The following PCDHGB4 variants were observed in gnomAD, a reference collection of about 807,000 sequenced individuals.
PCDHGB4 encodes the protein protocadherin gamma subfamily B, 4, also known as protocadherin gamma-B4.
A neutral mutation model predicts 60.5 loss-of-function variants in PCDHGB4; 38 were observed. That is an observed-to-expected ratio of 0.63 (90% CI 0.48 to 0.82). The LOEUF (loss-of-function observed/expected upper bound fraction) is 0.82, where lower values mean the gene tolerates loss of function less well. PCDHGB4 is among the 40% of genes least tolerant of loss of function. PCDHGB4 has a pLI of 0.00. For synonymous variants in PCDHGB4, 456 were observed against 509.7 expected (o/e 0.89, Z 1.42); for missense variants, 1,109 against 1,209.6 (o/e 0.92, Z 1.23).
At chr5:141,415,476 G>C in intron 1 of PCDHGB4, 1 of 1,614,194 alleles carries the variant, frequency 6.2e-7, no homozygotes, top group Non-Finnish European at 8.5e-7. Context: ...CCGCGGACTC[G>C]CGAAAGAGTC....
At position 141,476,151 on chromosome 5, in the gene PCDHGB4, G is replaced by A; in HGVS notation, c.2398-18656G>A. Reference sequence around the variant, plus strand: ...GAGGCCTGGAGGAGCGGACTGGTAAGCACCGGGAGGGTAGTGGGAGTTTTG... The same window carrying A: ...GAGGCCTGGAGGAGCGGACTGGTAAACACCGGGAGGGTAGTGGGAGTTTTG... On this transcript the variant is annotated intron_variant, in intron 1 of 3. Transcript: ENST00000519479. This position sits in a 1 kb window ranked among gnomAD's most constrained non-coding sequence, Gnocchi z 7.6. 1 of 1,612,022 alleles carries A rather than the reference G, an allele frequency of 6.2e-7. No individual in the cohort carries two copies. Among genetic ancestry groups the A allele is most frequent in the Admixed American group, 1.7e-5 (1 of 60,014 alleles).
chr5:141,478,445 G>C (rs773567457), intron 1 of PCDHGB4: 1 of 1,613,570 alleles, frequency 6.2e-7, no homozygotes, highest in Non-Finnish European at 8.5e-7. Flanking sequence ...GAAGAAACCT[G>C]GTGCAGCCAG....
intron 1 of PCDHGB4, chr5:141,393,700 A>T: frequency 6.2e-7 from 1 of 1,613,934 alleles, no homozygotes; most frequent in Non-Finnish European, 8.5e-7. Context: ...CAGCTTAATG[A>T]AAATACTGGG....
intron 1 of PCDHGB4, among the ~76,000 whole-genome samples, chr5:141,448,768 G>T (rs544426582): frequency 2.6e-5 from 4 of 151,750 alleles, no homozygotes; most frequent in Non-Finnish European, 4.4e-5. Context: ...GTGAAACCCC[G>T]TCTGTACTAA....
At chr5:141,415,747 T>G (rs774746065) in intron 1 of PCDHGB4, 22 of 797,580 alleles carry the variant, frequency 2.8e-5, no homozygotes, top group Middle Eastern at 5.1e-4. Context: ...AAGGTTTTTT[T>G]TTTTTTTTTT....
Position 141,431,336 on chromosome 5 carries a change from G to C in PCDHGB4, c.2397+41055G>C, listed in dbSNP as rs1187672228. ...TGGAGCCGACGGTAGTAAGTACCCC[G>C]AATTGGTGCTGAAACGCGCCCTGGA... On this transcript the variant is annotated intron_variant, in intron 1 of 3. Transcript: ENST00000519479. The surrounding 1 kb of genome is among the most constrained non-coding windows in gnomAD (Gnocchi z 4.8). 2.5e-6 allele frequency: 4 copies of C among 1,613,956 alleles called. No individual in the cohort carries two copies. The East Asian group carries it at 6.7e-5, about 27-fold the overall frequency.
rs2099883782 is a variant in PCDHGB4 at position 141,511,420 on chromosome 5, G to C, written c.*247G>C. The C allele has an allele frequency of 1.2e-6, 1 of 830,744 alleles. No homozygotes were observed. The allele number at this position is 830,744 out of a possible 1,614,324, so 51.5% of individuals were successfully genotyped here. On this transcript the variant is annotated 3_prime_UTR_variant, in exon 4 of 4. Transcript: ENST00000519479. ...TCCAATCAACTGCTGTACCCATGGG[G>C]GTAGTGGGGTTACTGTAGACACCAA...
rs184835272 is a variant in PCDHGB4, at chr5:141,470,234, C to A, written c.2398-24573C>A. ...AACCATTCAGCTTCTTCACCAAACC[C>A]TTGAATGTCCCACCTGTCTAAATGG... On this transcript the variant is annotated intron_variant, in intron 1 of 3. Transcript: ENST00000519479. Among the ~76,000 whole-genome samples, 6 of 152,288 alleles carry A rather than the reference C, an allele frequency of 3.9e-5. No individual in the cohort carries two copies. The East Asian group carries it at 9.6e-4, about 24-fold the overall frequency.
At chr5:141,412,591 A>G (rs2095564760) in intron 1 of PCDHGB4, 1 of 152,214 alleles carries the variant, frequency 6.6e-6, no homozygotes, top group Non-Finnish European at 1.5e-5. Flanking sequence ...ATGAATGTAT[A>G]CTAAATAAAA....
At chr5:141,507,429 G>C (rs1191174823) in intron 3 of PCDHGB4, 3 of 152,238 alleles carry the variant, frequency 2.0e-5, no homozygotes, top group African/African-American at 7.2e-5. Flanking sequence ...AGTGGGGCCA[G>C]GCCTACAGCT....
At position 141,486,417 on chromosome 5, in the gene PCDHGB4, G is replaced by T. The variant is rs1298448753; in HGVS notation, c.2398-8390G>T. On this transcript the variant is annotated intron_variant, in intron 1 of 3. Transcript: ENST00000519479. The surrounding 1 kb of genome is among the most constrained non-coding windows in gnomAD (Gnocchi z 5.0). ...CTGGTGACTGCTGGACCCTTGGATCGAGAGGCCAAATCTAGCTATGACATC... is the reference window on the plus strand; with the variant it reads ...CTGGTGACTGCTGGACCCTTGGATCTAGAGGCCAAATCTAGCTATGACATC... The T allele has an allele frequency of 6.2e-7, 1 of 1,614,014 alleles. No homozygotes were observed. The highest frequency in any genetic ancestry group is 1.7e-5 in the Admixed American group (1 of 60,010).
rs562872139 is a variant in PCDHGB4 at position 141,408,923 on chromosome 5, G to A, written c.2397+18642G>A. The A allele has an allele frequency of 5.6e-6, 9 of 1,613,488 alleles. No individual in the cohort carries two copies. The African/African-American group carries it at 1.1e-4, about 19-fold the overall frequency. ...CAAGGATACCAATGATAACCCCCCG[G>A]TTTTCAGCAGAGACGAATATAGAAT... On this transcript the variant is annotated intron_variant, in intron 1 of 3. Coordinates refer to ENST00000519479, the MANE Select transcript of PCDHGB4 (RefSeq NM_003736.4).
chr5:141,503,136 A>G (rs1352550702), intron 2 of PCDHGB4, among the ~76,000 whole-genome samples: 5 of 151,846 alleles, frequency 3.3e-5, no homozygotes, highest in Admixed American at 2.0e-4. Context: ...GTAGCCCCTG[A>G]CACAGCCCAT....
rs748559328 is a variant in PCDHGB4 at position 141,388,864 on chromosome 5, C to T, written c.980C>T (p.Ala327Val). ...GCAAGGGACGGTGGAGGAATGATTG[C>T]GCAATGCACAGTGGAGGTAGAAGTC... The part of the protein sequence containing the change: ...LEARDGGGMI[A>V]QCTVEVEVID... Residue 327 changes from alanine (A) to valine (V), a missense_variant, in exon 1 of 4, where the codon GCG (alanine) becomes GTG (valine). By Grantham distance (64) the Ala-to-Val change is moderately conservative (BLOSUM62 0). Transcript: ENST00000519479. The T allele has an allele frequency of 9.3e-6, 15 of 1,613,736 alleles. No individual in the cohort carries two copies. The highest frequency in any genetic ancestry group is 1.6e-4 in the Middle Eastern group (1 of 6,084).
At chr5:141,394,856 G>A (rs1008039711) in intron 1 of PCDHGB4, 1 of 1,613,792 alleles carries the variant, frequency 6.2e-7, no homozygotes, top group Non-Finnish European at 8.5e-7. Flanking sequence ...TGAAGCCTTC[G>A]GTCGACCCGA....
chr5:141,485,714 G>C lies in PCDHGB4; in HGVS notation c.2398-9093G>C, dbSNP rs896709540. 6.2e-7 allele frequency: 1 copy of C among 1,614,064 alleles called. No homozygotes were observed. Among genetic ancestry groups the C allele is most frequent in the Non-Finnish European group, 8.5e-7 (1 of 1,180,050 alleles). On this transcript the variant is annotated intron_variant, in intron 1 of 3. Coordinates refer to ENST00000519479, the MANE Select transcript of PCDHGB4 (RefSeq NM_003736.4). The surrounding 1 kb of genome is among the most constrained non-coding windows in gnomAD (Gnocchi z 5.7). The stretch of plus-strand genomic sequence containing the variant: ...GAGCTCCAATGAACACTTTGCACTG[G>C]ATGTGAAGAAGCGCAGCGACGGCAG...
Position 141,403,510 on chromosome 5 carries a change from C to T in PCDHGB4, c.2397+13229C>T, listed in dbSNP as rs201146573. ...TCTCCCTGAACGTGCAGACTGGAGA[C>T]AATGGAGCCATAAACCCAGAGCTGG... On this transcript the variant is annotated intron_variant, in intron 1 of 3. Transcript: ENST00000519479. 9.2e-4 allele frequency: 1,478 copies of T among 1,614,022 alleles called. 1 individual carries two copies. Among genetic ancestry groups the T allele is most frequent in the Non-Finnish European group, 1.2e-3 (1,414 of 1,179,888 alleles).
chr5:141,466,552 G>C lies in PCDHGB4; in HGVS notation c.2398-28255G>C, dbSNP rs913019489. On this transcript the variant is annotated intron_variant, in intron 1 of 3. Coordinates refer to ENST00000519479, the MANE Select transcript of PCDHGB4 (RefSeq NM_003736.4). ...ATTGATGTAGATGGTCTTTTGCTGTGGGCTTCATCTTCAACATTGTCTCAT... is the reference window on the plus strand; with the variant it reads ...ATTGATGTAGATGGTCTTTTGCTGTCGGCTTCATCTTCAACATTGTCTCAT... 2.6e-5 allele frequency among the ~76,000 whole-genome samples: 4 copies of C among 152,144 alleles called. No homozygotes were observed. The South Asian group carries it at 8.3e-4, about 32-fold the overall frequency.
intron 1 of PCDHGB4, among the ~76,000 whole-genome samples, chr5:141,433,999 A>G (rs1471657184): frequency 6.6e-6 from 1 of 152,070 alleles, no homozygotes; most frequent in Admixed American, 6.6e-5. Context: ...TATATTCTCT[A>G]TATATGTTTG....
Sources: gnomAD v4.1 joint callset for allele counts (sites outside exome capture counted in the v4.1 genomes callset) on GRCh38, gnomAD v4.1.1 for gene constraint, Gnocchi (gnomAD v3.1) non-coding constraint, MANE v1.5 for transcripts, NCBI Gene and HGNC (gene_info 2026-07-23, HGNC 2026-07-21) for gene names.